Variants in BPNT1 observed in about 807,000 individuals in gnomAD.
BPNT1 encodes 3'(2'), 5'-bisphosphate nucleotidase 1, also known as 3'(2'),5'-bisphosphate nucleotidase 1.
A neutral mutation model predicts 36.9 loss-of-function variants in BPNT1; 28 were observed. That is an observed-to-expected ratio of 0.76 (90% CI 0.56 to 1.04). The LOEUF is 1.04. BPNT1 is among the 50% of genes least tolerant of loss of function. BPNT1 has a pLI of 0.00. For synonymous variants in BPNT1, 119 were observed against 130.9 expected (o/e 0.91, Z 0.62); for missense variants, 313 against 372.9 (o/e 0.84, Z 1.32).
chr1:220,067,256 T>A (rs200184441), intron 6 of BPNT1, 46 bp downstream of exon 6: 1 of 1,309,786 alleles, frequency 7.6e-7, no homozygotes, highest in Admixed American at 2.0e-5. Context: ...GATAACACTA[T>A]AATTATTTAT....
chr1:220,083,311 G>C (rs112695326), intron 1 of BPNT1, among the ~76,000 whole-genome samples: 8,859 of 150,376 alleles, frequency 0.059, 316 homozygotes, highest in East Asian at 0.11. Flanking sequence ...AAATTAAGAT[G>C]AAAATTAAAC....
intron 6 of BPNT1, among the ~76,000 whole-genome samples, chr1:220,064,956 T>A (rs1663406465): frequency 6.6e-6 from 1 of 152,066 alleles, no homozygotes; most frequent in Non-Finnish European, 1.5e-5. Context: ...TATAGGTGCA[T>A]GCCACCATGT....
In BPNT1 at chr1:220,078,302, T is replaced by TTA. The variant is rs202023986; in HGVS notation, c.120+1423_120+1424dup. Among the ~76,000 whole-genome samples, 257 of 144,740 alleles carry TTA rather than the reference T, an allele frequency of 1.8e-3. 3 individuals carry two copies. In the East Asian group the frequency reaches 0.041, roughly 23 times the overall value. 95.0% of individuals were successfully genotyped at this position (144,740 alleles called of 152,430 possible). A position where few individuals can be genotyped will look rare whatever the true frequency, so the allele number is the denominator to read the frequency against. On this transcript the variant is annotated intron_variant, in intron 2 of 8. Transcript: ENST00000322067. ...GTAATTACCAAATCCCAAGGAAGAT[T>TTA]TATATATATATAATATATATAACAT...
chr1:220,073,617 T>C (rs562797214), intron 3 of BPNT1, among the ~76,000 whole-genome samples: 116 of 152,270 alleles, frequency 7.6e-4, no homozygotes, highest in African/African-American at 2.7e-3. Context: ...CAAAGTGTTA[T>C]AGTCTTTGGA....
chr1:220,064,867 G>A (rs1367737618), intron 6 of BPNT1, among the ~76,000 whole-genome samples: 1 of 152,140 alleles, frequency 6.6e-6, no homozygotes, highest in African/African-American at 2.4e-5. Flanking sequence ...GAGTGCAGTG[G>A]TGCGATCTCG....
At chr1:220,074,162 A>C in intron 2 of BPNT1, 91 bp from the exon 3 acceptor site, 1 of 1,145,546 alleles carries the variant, frequency 8.7e-7, no homozygotes, top group South Asian at 1.4e-5. Context: ...AATTTAGATT[A>C]CACTGTCAGT....
intron 1 of BPNT1, among the ~76,000 whole-genome samples, chr1:220,082,083 T>TAGAGAGAGAGAGAG (rs1239049784): frequency 9.0e-6 from 1 of 110,830 alleles, no homozygotes; most frequent in African/African-American, 3.4e-5. Flanking sequence ...TATATATATA[T>TAGAGAGAGAGAGAG]ATAGAGAGAG....
intron 6 of BPNT1, among the ~76,000 whole-genome samples, chr1:220,066,843 T>C (rs977722610): frequency 6.6e-6 from 1 of 152,240 alleles, no homozygotes. Context: ...TTTTCTTAGT[T>C]GAAATGGTTC....
chr1:220,072,377 A>G (rs1571764772), intron 4 of BPNT1, among the ~76,000 whole-genome samples: 2 of 151,606 alleles, frequency 1.3e-5, no homozygotes, highest in African/African-American at 4.8e-5. Context: ...AAAAAAAAAG[A>G]GATGGTGCTG....
intron 5 of BPNT1, among the ~76,000 whole-genome samples, chr1:220,067,773 A>G (rs949300157): frequency 2.0e-5 from 3 of 152,204 alleles, no homozygotes; most frequent in Admixed American, 1.3e-4. Flanking sequence ...CAAGCCTTTA[A>G]AACAGAGTTT....
chr1:220,071,111 C>T (rs999004676), intron 4 of BPNT1, among the ~76,000 whole-genome samples: 1 of 151,736 alleles, frequency 6.6e-6, no homozygotes. Context: ...CCGCCTGCCT[C>T]GGCCTCCTAA....
chr1:220,074,219 G>A (rs1418622424), intron 2 of BPNT1, 148 bp from the exon 3 acceptor site: 4 of 649,904 alleles, frequency 6.2e-6, no homozygotes, highest in African/African-American at 5.6e-5. Flanking sequence ...CTGGTTTCTT[G>A]CCTTGGTTTT....
chr1:220,073,691 T>A (rs934090673), intron 3 of BPNT1, among the ~76,000 whole-genome samples: 2 of 152,144 alleles, frequency 1.3e-5, no homozygotes, highest in African/African-American at 2.4e-5. Context: ...ATTCCAAAGT[T>A]CTAGATCTCT....
intron 2 of BPNT1, among the ~76,000 whole-genome samples, chr1:220,078,584 T>C (rs1211679539): frequency 6.9e-6 from 1 of 145,556 alleles, no homozygotes; most frequent in Non-Finnish European, 1.5e-5. Context: ...TATATGTATA[T>C]AATAACACAC....
At chr1:220,064,448 G>T (rs1019515445) in intron 6 of BPNT1, among the ~76,000 whole-genome samples, 2 of 152,172 alleles carry the variant, frequency 1.3e-5, no homozygotes, top group Non-Finnish European at 1.5e-5. Flanking sequence ...TGGGCAGAGG[G>T]AAGAAATAAG....
chr1:220,085,610 T>A (rs1040054688), intron 1 of BPNT1, among the ~76,000 whole-genome samples: 2 of 152,232 alleles, frequency 1.3e-5, no homozygotes, highest in African/African-American at 4.8e-5. Context: ...ATTTCGGTTA[T>A]TTTGCAGGGA....
At chr1:220,088,409 GGAGGCA>G (rs1655943048) in intron 1 of BPNT1, among the ~76,000 whole-genome samples, 1 of 150,082 alleles carries the variant, frequency 6.7e-6, no homozygotes, top group African/African-American at 2.5e-5. Flanking sequence ...CTTGAACATA[GGAGGCA>G]GAGGTTGTGG....
chr1:220,063,558 C>T (rs1000816258), intron 6 of BPNT1, among the ~76,000 whole-genome samples: 1 of 152,046 alleles, frequency 6.6e-6, no homozygotes, highest in African/African-American at 2.4e-5. Flanking sequence ...ATCTAATGAT[C>T]TCTTTGTTGT....
chr1:220,059,243 CTTTTTTTTTTT>C (rs11292010), intron 8 of BPNT1, among the ~76,000 whole-genome samples: 6 of 57,870 alleles, frequency 1.0e-4, no homozygotes, highest in East Asian at 9.0e-4. Flanking sequence ...ATTTTCTTTT[CTTTTTTTTTTT>C]TTTTTTTTTT....
Sources: gnomAD v4.1 joint callset for allele counts (sites outside exome capture counted in the v4.1 genomes callset) on GRCh38, gnomAD v4.1.1 for gene constraint, MANE v1.5 for transcripts, NCBI Gene and HGNC (gene_info 2026-07-23, HGNC 2026-07-21) for gene names.